The following GRIK2 variants were observed in gnomAD, a reference collection of about 807,000 sequenced individuals.
GRIK2 encodes the protein glutamate ionotropic receptor kainate type subunit 2, also known as glutamate receptor ionotropic, kainate 2.
A neutral mutation model predicts 100.3 loss-of-function variants in GRIK2; 32 were observed. The observed-to-expected ratio is 0.32, with a 90% confidence interval of 0.24 to 0.43. GRIK2 has a LOEUF of 0.43. GRIK2 is among the 20% of genes least tolerant of loss of function. The pLI is 1.00. For synonymous variants in GRIK2, 417 were observed against 389.4 expected, an observed-to-expected ratio of 1.07 and a Z score of -0.83; for missense variants, 843 against 1,114.9, an observed-to-expected ratio of 0.76 and a Z score of 3.47.
At chr6:102,041,648 C>T (rs940368475) in intron 15 of GRIK2, among the ~76,000 whole-genome samples, 34 of 151,492 alleles carry the variant, frequency 2.2e-4, no homozygotes, top group African/African-American at 8.2e-4. Flanking sequence ...CACTTAGTGT[C>T]CTCATGTATA....
At chr6:101,530,702 C>A (rs911665745) in intron 2 of GRIK2, among the ~76,000 whole-genome samples, 4 of 151,778 alleles carry the variant, frequency 2.6e-5, no homozygotes, top group African/African-American at 7.3e-5. Flanking sequence ...CTGGAAACAA[C>A]CTTTAGAAGA....
chr6:101,626,863 A>C (rs1039185717), intron 4 of GRIK2, among the ~76,000 whole-genome samples: 1 of 151,976 alleles, frequency 6.6e-6, no homozygotes, highest in African/African-American at 2.4e-5. Context: ...GCATTTTTTT[A>C]TTCCTGTGAA....
At chr6:101,898,340 A>G (rs1787613066) in intron 12 of GRIK2, among the ~76,000 whole-genome samples, 1 of 151,982 alleles carries the variant, frequency 6.6e-6, no homozygotes. Flanking sequence ...TGTTTTGCCT[A>G]TCATGTTAAC....
At chr6:101,556,196 A>G (rs1776727676) in intron 2 of GRIK2, among the ~76,000 whole-genome samples, 1 of 151,812 alleles carries the variant, frequency 6.6e-6, no homozygotes, top group African/African-American at 2.4e-5. Context: ...ATAAAATTTT[A>G]AAATAATGAA....
At chr6:102,039,672 T>C (rs1770464325) in intron 15 of GRIK2, among the ~76,000 whole-genome samples, 2 of 151,670 alleles carry the variant, frequency 1.3e-5, no homozygotes, top group Admixed American at 1.3e-4. Context: ...TTGGTTTCTC[T>C]TTTTCAAATG....
chr6:101,477,771 T>C (rs1291707987), intron 2 of GRIK2, among the ~76,000 whole-genome samples: 1 of 152,154 alleles, frequency 6.6e-6, no homozygotes, highest in Non-Finnish European at 1.5e-5. Context: ...GTTTCATTCT[T>C]AGAGACTTTT....
intron 14 of GRIK2, among the ~76,000 whole-genome samples, chr6:101,944,562 C>G (rs553196633): frequency 1.3e-5 from 2 of 152,094 alleles, no homozygotes; most frequent in African/African-American, 4.8e-5. Flanking sequence ...TATTCCTACT[C>G]AAAGATGCAT....
At chr6:101,587,400 C>T (rs1778429849) in intron 2 of GRIK2, among the ~76,000 whole-genome samples, 1 of 150,266 alleles carries the variant, frequency 6.7e-6, no homozygotes, top group Non-Finnish European at 1.5e-5. Flanking sequence ...GTCTGTCTGT[C>T]CCTCCGTCCA....
intron 12 of GRIK2, among the ~76,000 whole-genome samples, chr6:101,890,907 T>C (rs1787011676): frequency 6.6e-6 from 1 of 151,212 alleles, no homozygotes; most frequent in Admixed American, 6.6e-5. Flanking sequence ...AAAAGATAAC[T>C]CTGAATTAAA....
At chr6:101,502,427 T>C (rs754024713) in intron 2 of GRIK2, among the ~76,000 whole-genome samples, 3 of 152,114 alleles carry the variant, frequency 2.0e-5, no homozygotes, top group African/African-American at 4.8e-5. Flanking sequence ...TGAATCTTGG[T>C]GTATGTAGTC....
intron 2 of GRIK2, among the ~76,000 whole-genome samples, chr6:101,566,963 T>A (rs118000615): frequency 0.16 from 23,453 of 150,638 alleles, 2,220 homozygotes; most frequent in Middle Eastern, 0.25. Context: ...TAGACATTTA[T>A]ATATGTATAT....
At chr6:102,019,805 T>G (rs961652896) in intron 14 of GRIK2, among the ~76,000 whole-genome samples, 1 of 151,918 alleles carries the variant, frequency 6.6e-6, no homozygotes, top group Non-Finnish European at 1.5e-5. Context: ...TCTTTATATA[T>G]CCCTTTTTAA....
At chr6:101,413,351 G>A (rs1039031785) in intron 2 of GRIK2, among the ~76,000 whole-genome samples, 1 of 152,014 alleles carries the variant, frequency 6.6e-6, no homozygotes, top group African/African-American at 2.4e-5. Context: ...AATGCTTTAT[G>A]TGTTGATTGT....
chr6:101,535,369 A>C (rs1257393600), intron 2 of GRIK2, among the ~76,000 whole-genome samples: 1 of 151,756 alleles, frequency 6.6e-6, no homozygotes, highest in East Asian at 1.9e-4. Flanking sequence ...TGGTTGTACC[A>C]CATGAAAATG....
At chr6:102,028,450 C>T (rs1333740369) in intron 14 of GRIK2, among the ~76,000 whole-genome samples, 2 of 151,086 alleles carry the variant, frequency 1.3e-5, no homozygotes, top group East Asian at 3.9e-4. Context: ...CATTGACATC[C>T]CAAATCCATC....
intron 11 of GRIK2, among the ~76,000 whole-genome samples, chr6:101,860,605 C>T (rs886637364): frequency 6.6e-6 from 1 of 152,046 alleles, no homozygotes; most frequent in Non-Finnish European, 1.5e-5. Context: ...ATTCAATGGT[C>T]GTGGTCTAAC....
intron 11 of GRIK2, among the ~76,000 whole-genome samples, chr6:101,882,645 T>C (rs1786336390): frequency 6.6e-6 from 1 of 152,090 alleles, no homozygotes; most frequent in Admixed American, 6.6e-5. Context: ...CCCACTTTAC[T>C]TTCTTTCTGT....
chr6:101,898,321 C>G (rs191604173), intron 12 of GRIK2, among the ~76,000 whole-genome samples: 1 of 151,904 alleles, frequency 6.6e-6, no homozygotes, highest in Admixed American at 6.6e-5. Context: ...GCATTTGTAT[C>G]ACTTGATTTG....
intron 2 of GRIK2, among the ~76,000 whole-genome samples, chr6:101,483,736 C>T (rs1772660343): frequency 6.6e-6 from 1 of 152,086 alleles, no homozygotes; most frequent in African/African-American, 2.4e-5. Context: ...CCACCATGCT[C>T]AGCTAATTTT....
Sources: allele counts gnomAD v4.1 joint callset (sites outside exome capture counted in the v4.1 genomes callset), GRCh38; gene constraint gnomAD v4.1.1; transcripts MANE v1.5; gene names NCBI Gene and HGNC (gene_info 2026-07-23, HGNC 2026-07-21).